Variants in PAK1 observed in about 807,000 individuals in gnomAD.
PAK1 encodes the protein p21 (RAC1) activated kinase 1.
A neutral mutation model predicts 67.4 loss-of-function variants in PAK1; 29 were observed. The observed-to-expected ratio is 0.43, with a 90% CI of 0.32 to 0.59. The LOEUF is 0.59. Among genes scored for constraint, PAK1 ranks in the 20% least tolerant of loss-of-function variants. The pLI is 0.07. For missense variants in PAK1, 337 were observed against 670.7 expected (o/e 0.50, Z 5.50); for synonymous variants, 223 against 237.4 (o/e 0.94, Z 0.56).
chr11:77,365,251 C>CAAA (rs1364090865), intron 5 of PAK1, among the ~76,000 whole-genome samples: 4 of 45,494 alleles, frequency 8.8e-5, no homozygotes, highest in South Asian at 6.2e-4. Flanking sequence ...GACTCTGTCT[C>CAAA]AAAAAAAAAA....
chr11:77,520,581 T>A, the PAK1 span, among the ~76,000 whole-genome samples: 2 of 152,052 alleles, frequency 1.3e-5, no homozygotes, highest in African/African-American at 4.8e-5. Flanking sequence ...CCAAGCCCAA[T>A]CCTAAGCCAA....
the PAK1 span, among the ~76,000 whole-genome samples, chr11:77,490,834 A>G: frequency 1.3e-5 from 2 of 152,130 alleles, no homozygotes; most frequent in Non-Finnish European, 2.9e-5. Flanking sequence ...CTTACCCCCA[A>G]CCCTGTGCCC....
chr11:77,452,195 C>T (rs912915084), intron 1 of PAK1, among the ~76,000 whole-genome samples: 4 of 152,126 alleles, frequency 2.6e-5, no homozygotes, highest in South Asian at 2.1e-4. Context: ...CTAATGATAA[C>T]GCTGTGAGGC....
chr11:77,395,526 C>T (rs1951718809), intron 1 of PAK1, among the ~76,000 whole-genome samples: 1 of 152,156 alleles, frequency 6.6e-6, no homozygotes, highest in South Asian at 2.1e-4. Context: ...TAGACACAGC[C>T]TAATTCAAAC....
At chr11:77,465,688 G>A (rs1957563783) in intron 1 of PAK1, among the ~76,000 whole-genome samples, 1 of 152,148 alleles carries the variant, frequency 6.6e-6, no homozygotes, top group South Asian at 2.1e-4. Flanking sequence ...TCTTGGCCGG[G>A]CAAAGTGGCT....
chr11:77,441,009 A>G (rs903485468), intron 1 of PAK1, among the ~76,000 whole-genome samples: 1 of 152,142 alleles, frequency 6.6e-6, no homozygotes, highest in Non-Finnish European at 1.5e-5. Context: ...ACCAACTTAG[A>G]AGACCAGTCC....
intron 1 of PAK1, among the ~76,000 whole-genome samples, chr11:77,427,988 T>C (rs1955644063): frequency 6.6e-6 from 1 of 152,120 alleles, no homozygotes; most frequent in African/African-American, 2.4e-5. Context: ...CTGGGGTATG[T>C]CTAAGGAGTA....
chr11:77,440,836 C>G (rs1478841725), intron 1 of PAK1, among the ~76,000 whole-genome samples: 3 of 150,990 alleles, frequency 2.0e-5, no homozygotes, highest in Non-Finnish European at 4.4e-5. Flanking sequence ...ATTCCTCCCA[C>G]CTCTATCTGC....
chr11:77,407,577 C>T (rs1490691644), intron 1 of PAK1, among the ~76,000 whole-genome samples: 1 of 152,138 alleles, frequency 6.6e-6, no homozygotes, highest in Non-Finnish European at 1.5e-5. Flanking sequence ...CTATATAGCA[C>T]TTTACAAAGC....
chr11:77,424,765 C>G (rs1210278822), intron 1 of PAK1, among the ~76,000 whole-genome samples: 1 of 152,164 alleles, frequency 6.6e-6, no homozygotes, highest in Non-Finnish European at 1.5e-5. Context: ...TGATGCAGTC[C>G]TTACCCAACG....
rs141672507 is a variant in PAK1, at chr11:77,359,993, T to C, written c.478-976A>G. On this transcript the variant is annotated intron_variant, in intron 5 of 14. Coordinates refer to ENST00000356341, the MANE Select transcript of PAK1 (RefSeq NM_002576.5). ...AAGACTGTGATAGGTACTGTTGACA[T>C]AAATGTACAAAGATGAAAAAGATGG... Among the ~76,000 whole-genome samples, 4 of 152,206 alleles carry C rather than the reference T, an allele frequency of 2.6e-5. No individual in the cohort carries two copies. The East Asian group carries it at 7.7e-4, about 29-fold the overall frequency.
chr11:77,361,620 G>A (rs1002143511), intron 5 of PAK1, among the ~76,000 whole-genome samples: 14 of 151,932 alleles, frequency 9.2e-5, no homozygotes, highest in African/African-American at 2.9e-4. Flanking sequence ...TTAGAGAAAA[G>A]GTTTTTTTAA....
rs79764191 is a variant in PAK1, at chr11:77,431,597, T to G, written c.-21-39056A>C. ...GGCAATCATCTCTCTGAGATGAGAG[T>G]GCAGTTAAGGCCAACGAAGAAAGAA... On this transcript the variant is annotated intron_variant, in intron 1 of 14. Transcript: ENST00000356341. Among the ~76,000 whole-genome samples the G allele has an allele frequency of 2.0e-3, 309 of 152,250 alleles. 11 individuals are homozygous for G. The East Asian group carries it at 0.049, about 24-fold the overall frequency.
At chr11:77,335,726 T>G (rs1461877086) in intron 13 of PAK1, among the ~76,000 whole-genome samples, 2 of 152,200 alleles carry the variant, frequency 1.3e-5, no homozygotes, top group South Asian at 2.1e-4. Flanking sequence ...AAATAACTTA[T>G]AAGAGAGAAC....
At chr11:77,481,907 G>A in the PAK1 span, among the ~76,000 whole-genome samples, 2 of 151,932 alleles carry the variant, frequency 1.3e-5, no homozygotes, top group South Asian at 4.1e-4. Flanking sequence ...TACTTATTAG[G>A]TACTAAATAA....
At chr11:77,331,750 C>T (rs1265942541) in intron 14 of PAK1, among the ~76,000 whole-genome samples, 3 of 145,340 alleles carry the variant, frequency 2.1e-5, no homozygotes, top group Admixed American at 6.9e-5. Flanking sequence ...CAAACCTGCA[C>T]GTTGTGCACA....
At chr11:77,419,659 C>A (rs1024207167) in intron 1 of PAK1, among the ~76,000 whole-genome samples, 7 of 152,124 alleles carry the variant, frequency 4.6e-5, no homozygotes, top group South Asian at 2.1e-4. Context: ...TCTTTTGCAA[C>A]CACAAATAAC....
rs775172015 is a variant in PAK1, at chr11:77,355,839, A to T, written c.601T>A (p.Tyr201Asn). ...APRPEHTKSV[Y>N]TRSVIEPLPV... The stretch of plus-strand genomic sequence containing the variant: ...AGTGGTTCAATCACAGACCGTGTGT[A>T]TACCTGCATTATTAGTGCAAAATTT... The change falls in exon 7 of 15, where the codon TAC becomes AAC. Residue 201 changes from tyrosine (Y) to asparagine (N), a missense_variant. Tyr to Asn is a moderately radical substitution (Grantham distance 143). This residue lies in a region of PAK1 where 150 missense variants were observed against 179.0 expected (regional missense o/e 0.84). Coordinates refer to ENST00000356341, the MANE Select transcript of PAK1 (RefSeq NM_002576.5). The T allele has an allele frequency of 4.3e-6, 7 of 1,613,108 alleles. No homozygotes were observed. The highest frequency in any genetic ancestry group is 5.9e-6 in the Non-Finnish European group (7 of 1,179,326).
intron 1 of PAK1, among the ~76,000 whole-genome samples, chr11:77,394,112 C>G (rs74651273): frequency 0.047 from 7,127 of 152,084 alleles, 223 homozygotes; most frequent in Non-Finnish European, 0.068. Context: ...ATGAATGTAT[C>G]CAGAGTTAAA....
Sources: allele counts gnomAD v4.1 joint callset (sites outside exome capture counted in the v4.1 genomes callset), GRCh38; gene constraint gnomAD v4.1.1; regional missense constraint gnomAD v4.1.1; transcripts MANE v1.5; gene names NCBI Gene and HGNC (gene_info 2026-07-23, HGNC 2026-07-21).